NTRK3: variants seen among roughly 807,000 people sequenced by gnomAD.
NTRK3 encodes the protein neurotrophic receptor tyrosine kinase 3, also known as NT-3 growth factor receptor.
NTRK3 carries 24 observed loss-of-function variants against 91.7 expected under a neutral mutation model. That is an observed-to-expected ratio of 0.26 (90% CI 0.19 to 0.37). The LOEUF (loss-of-function observed/expected upper bound fraction) is 0.37. Among genes scored for constraint, NTRK3 ranks in the 10% least tolerant of loss-of-function variants. The probability of loss-of-function intolerance (pLI) is 1.00; values close to 1 mark genes in which losing one functional copy is unlikely to be tolerated. For missense variants in NTRK3, 880 were observed against 1,068.9 expected (o/e 0.82, Z 2.46); for synonymous variants, 483 against 404.0 (o/e 1.20, Z -2.34).
chr15:88,174,240 G>A (rs2045789075), intron 5 of NTRK3, among the ~76,000 whole-genome samples: 1 of 152,144 alleles, frequency 6.6e-6, no homozygotes, highest in African/African-American at 2.4e-5. Flanking sequence ...TTATAACACT[G>A]TCTCATGTTT....
chr15:88,061,021 A>C (rs1458489748), intron 13 of NTRK3, among the ~76,000 whole-genome samples: 2 of 151,314 alleles, frequency 1.3e-5, no homozygotes, highest in Non-Finnish European at 2.9e-5. Flanking sequence ...AGTTGTTTTT[A>C]ATTTGTTCAT....
chr15:87,984,595 T>G (rs1352691088), intron 14 of NTRK3, among the ~76,000 whole-genome samples: 1 of 152,272 alleles, frequency 6.6e-6, no homozygotes, highest in African/African-American at 2.4e-5. Context: ...TTTATTACTC[T>G]GAGATTGCAA....
rs183732715 is a variant in NTRK3, at chr15:87,967,403, G to A, written c.1586-26650C>T. ...TTTCATAGTCCAATCTTCCTATACC[G>A]AAGCTGCCCAGCTTAGGAGAAAGAG... On this transcript the variant is annotated intron_variant, in intron 14 of 18. Coordinates refer to ENST00000394480, the Ensembl canonical transcript of NTRK3. Among the ~76,000 whole-genome samples, 29 of 152,220 alleles carry A rather than the reference G, an allele frequency of 1.9e-4. No individual in the cohort carries two copies. The East Asian group carries it at 2.1e-3, about 11-fold the overall frequency.
intron 18 of NTRK3, among the ~76,000 whole-genome samples, chr15:87,879,003 A>G (rs2065095489): frequency 6.6e-6 from 1 of 152,012 alleles, no homozygotes; most frequent in Non-Finnish European, 1.5e-5. Context: ...CTTAAACACC[A>G]TAACAAATGG....
At chr15:87,957,420 G>T (rs2071780148) in intron 14 of NTRK3, among the ~76,000 whole-genome samples, 1 of 152,140 alleles carries the variant, frequency 6.6e-6, no homozygotes, top group Non-Finnish European at 1.5e-5. Context: ...GATTGGGCTG[G>T]ACTCCCACCC....
chr15:87,916,302 T>C (rs2067439683), intron 17 of NTRK3: 1 of 417,662 alleles, frequency 2.4e-6, no homozygotes, highest in African/African-American at 2.0e-5. Context: ...ATTCAGTTTG[T>C]CTCAGGAAAA....
exon 19 of NTRK3, chr15:87,866,722 A>AGCATATT (rs1172742849): frequency 1.0e-5 from 2 of 190,894 alleles, no homozygotes; most frequent in Non-Finnish European, 2.2e-5. Context: ...CTAGAAAGGA[A>AGCATATT]GCATATTATC....
At chr15:88,126,613 C>T (rs1191661507) in intron 12 of NTRK3, among the ~76,000 whole-genome samples, 1 of 152,194 alleles carries the variant, frequency 6.6e-6, no homozygotes, top group African/African-American at 2.4e-5. Context: ...TTCTGAGCCC[C>T]TTCTCACCTG....
chr15:88,045,615 CAG>C (rs2080101660), intron 13 of NTRK3, among the ~76,000 whole-genome samples: 1 of 152,220 alleles, frequency 6.6e-6, no homozygotes, highest in Non-Finnish European at 1.5e-5. Context: ...CTTAAAACAA[CAG>C]AGTTATGCAC....
chr15:87,952,263 A>AG (rs932392641), intron 14 of NTRK3, among the ~76,000 whole-genome samples: 1 of 151,862 alleles, frequency 6.6e-6, no homozygotes, highest in Non-Finnish European at 1.5e-5. Context: ...GAGAAAGAAA[A>AG]GAAGGAAGGA....
intron 14 of NTRK3, among the ~76,000 whole-genome samples, chr15:88,019,065 G>A (rs1289056509): frequency 1.3e-5 from 2 of 152,034 alleles, no homozygotes; most frequent in African/African-American, 4.8e-5. Context: ...AAGCAGAAAT[G>A]TTTCATCACC....
At chr15:87,939,791 GCCT>G (rs1174792791) in intron 15 of NTRK3, among the ~76,000 whole-genome samples, 1 of 152,188 alleles carries the variant, frequency 6.6e-6, no homozygotes, top group Non-Finnish European at 1.5e-5. Context: ...ATCTGTGCGT[GCCT>G]CCATGAGGCT....
chr15:88,243,564 AC>A lies in NTRK3; in HGVS notation c.248+12341del. Among the ~76,000 whole-genome samples, 1 of 150,426 alleles carries A rather than the reference AC, an allele frequency of 6.6e-6. No individual in the cohort carries two copies. Among genetic ancestry groups the A allele is most frequent in the Non-Finnish European group, 1.5e-5 (1 of 67,572 alleles). On this transcript the variant is annotated intron_variant, in intron 3 of 18. Transcript: ENST00000394480. The surrounding 1 kb of genome is among the most constrained non-coding windows in gnomAD (Gnocchi z 4.8). ...CACACACACACACACACACACACAC[AC>A]ACACACACACACTGAGCAAAAGGTA...
chr15:88,220,239 C>T (rs960296869), intron 3 of NTRK3, among the ~76,000 whole-genome samples: 5 of 152,324 alleles, frequency 3.3e-5, no homozygotes, highest in South Asian at 2.1e-4. Flanking sequence ...GCAAATCAAC[C>T]GCTCATGCAT....
exon 2 of NTRK3, chr15:88,256,351 G>A: frequency 4.7e-6 from 3 of 634,444 alleles, no homozygotes; most frequent in South Asian, 1.8e-5. Flanking sequence ...CGCCGCCGCC[G>A]CCGCCGCCGC....
chr15:88,174,256 G>A (rs1031345457), intron 5 of NTRK3, among the ~76,000 whole-genome samples: 2 of 152,156 alleles, frequency 1.3e-5, no homozygotes, highest in African/African-American at 4.8e-5. Flanking sequence ...TGTTTGAGAT[G>A]TGAAAACAGA....
chr15:88,203,842 AT>A (rs1567640414), intron 3 of NTRK3, among the ~76,000 whole-genome samples: 2 of 152,168 alleles, frequency 1.3e-5, no homozygotes, highest in East Asian at 1.9e-4. Flanking sequence ...AATAAAAATA[AT>A]TTTTTTAAAA....
chr15:87,995,969 T>C (rs960593995), intron 14 of NTRK3, among the ~76,000 whole-genome samples: 1 of 152,144 alleles, frequency 6.6e-6, no homozygotes, highest in African/African-American at 2.4e-5. Flanking sequence ...ACCGGCTGGG[T>C]GTGATGGTTC....
At chr15:88,111,923 G>A (rs769670093) in intron 13 of NTRK3, among the ~76,000 whole-genome samples, 59 of 113,526 alleles carry the variant, frequency 5.2e-4, no homozygotes, top group Middle Eastern at 4.5e-3. Flanking sequence ...TTTTTTTTGA[G>A]ACAGACAGAG....
Sources: allele counts gnomAD v4.1 joint callset (sites outside exome capture counted in the v4.1 genomes callset), GRCh38; gene constraint gnomAD v4.1.1; non-coding constraint Gnocchi (gnomAD v3.1); transcripts MANE v1.5; gene names NCBI Gene and HGNC (gene_info 2026-07-23, HGNC 2026-07-21).